The following LSM1 variants were observed in gnomAD, a reference collection of about 807,000 sequenced individuals.
LSM1 encodes U6 snRNA-associated Sm-like protein LSm1.
In LSM1, 13 loss-of-function variants were observed where a neutral mutation model predicts 18.0. That is an observed-to-expected ratio of 0.72 (90% CI 0.47 to 1.15). LSM1 has a LOEUF of 1.15. Ranked by LOEUF, LSM1 falls within the 50% of genes most tolerant of loss-of-function variation. LSM1 has a pLI of 0.00. For synonymous variants in LSM1, 46 were observed against 56.0 expected, an observed-to-expected ratio of 0.82 and a Z score of 0.80; for missense variants, 152 against 157.7, an observed-to-expected ratio of 0.96 and a Z score of 0.19.
chr8:38,175,889 T>G (rs1000392532), intron 1 of LSM1: 1 of 181,200 alleles, frequency 5.5e-6, no homozygotes. Context: ...CTCTAGGTAT[T>G]CCGATCCATC....
At chr8:38,176,656 T>C, upstream of LSM1, 1 of 584,236 alleles carries the variant, frequency 1.7e-6, no homozygotes, top group Non-Finnish European at 2.9e-6. Context: ...ACACGGTGTC[T>C]TCCTTCGTCT....
chr8:38,171,705 TGA>T (rs1222286265), intron 2 of LSM1, among the ~76,000 whole-genome samples: 2 of 152,184 alleles, frequency 1.3e-5, no homozygotes, highest in Non-Finnish European at 2.9e-5. Flanking sequence ...TTCGGTGGAC[TGA>T]GTTTATTTCT....
Position 38,176,472 on chromosome 8 carries a change from C to T in LSM1, c.-152G>A. On this transcript the variant is annotated 5_prime_UTR_variant, in exon 1 of 4. Coordinates refer to ENST00000311351, the MANE Select transcript of LSM1 (RefSeq NM_014462.3). The stretch of plus-strand genomic sequence containing the variant: ...TGCCCCGGCTTTCAGCCGCCGGGGG[C>T]TGCCGGAAGCTCCTCCATATTACCC... The T allele has an allele frequency of 1.6e-6, 1 of 632,778 alleles. No individual in the cohort carries two copies. The highest frequency in any genetic ancestry group is 2.8e-6 in the Non-Finnish European group (1 of 359,720). The allele number at this position is 632,778 out of a possible 1,614,324, so 39.2% of individuals were successfully genotyped here. A position where few individuals can be genotyped will look rare whatever the true frequency, so the allele number is the denominator to read the frequency against.
chr8:38,164,913 C>T (rs117984088), intron 3 of LSM1, among the ~76,000 whole-genome samples: 567 of 152,278 alleles, frequency 3.7e-3, no homozygotes, highest in Non-Finnish European at 5.9e-3. Flanking sequence ...TGTGCGCCAC[C>T]GTACCAGCTC....
In LSM1 at chr8:38,172,713, T is replaced by G. The variant is rs1011263994; in HGVS notation, c.47-680A>C. Among the ~76,000 whole-genome samples the G allele has an allele frequency of 3.9e-5, 6 of 152,236 alleles. 1 individual carries two copies. The highest frequency in any genetic ancestry group is 1.4e-4 in the African/African-American group (6 of 41,470). On this transcript the variant is annotated intron_variant, in intron 1 of 3. Transcript: ENST00000311351. The stretch of plus-strand genomic sequence containing the variant: ...AAATTTAATCTAGATGACTATTATC[T>G]TATTTGTAGAATTATTTTGTCCTCA...
intron 1 of LSM1, among the ~76,000 whole-genome samples, 158 bp from the exon 2 acceptor site, chr8:38,172,191 C>T (rs192374669): frequency 2.6e-5 from 4 of 151,856 alleles, no homozygotes; most frequent in South Asian, 2.1e-4. Context: ...CACAGCAACG[C>T]GGATTTAGAT....
At position 38,163,649 on chromosome 8, in the gene LSM1, C is replaced by CA. The variant is rs1802878090; in HGVS notation, c.*20dup. 2 of 1,612,432 alleles carry CA rather than the reference C, an allele frequency of 1.2e-6. No homozygotes were observed. The highest frequency in any genetic ancestry group is 2.7e-5 in the African/African-American group (2 of 75,018). On this transcript the variant is annotated 3_prime_UTR_variant, in exon 4 of 4. Coordinates refer to ENST00000311351, the MANE Select transcript of LSM1 (RefSeq NM_014462.3). ...GTGACAGCCCCTACTCTTCAAGAGC[C>CA]AACAGCCTCTGGGCAAAAGATTAGT...
chr8:38,170,144 A>G (rs1802999852), intron 2 of LSM1, among the ~76,000 whole-genome samples: 1 of 152,210 alleles, frequency 6.6e-6, no homozygotes, highest in Non-Finnish European at 1.5e-5. Context: ...TGGTTCAAGC[A>G]ATTCTCCTGC....
chr8:38,163,765 G>GT lies in LSM1; in HGVS notation c.306dup (p.Gln103ThrfsTer29). Reference sequence around the variant, plus strand: ...TTCTCTGCTTCCAGCTTGGTCTGCTGTTCCACCCTTTGTTCTTCTAGAATT... The same window carrying GT: ...TTCTCTGCTTCCAGCTTGGTCTGCTGTTTCCACCCTTTGTTCTTCTAGAATT... On this transcript the variant is annotated frameshift_variant, in exon 4 of 4. Coordinates refer to ENST00000311351, the MANE Select transcript of LSM1 (RefSeq NM_014462.3). LOFTEE classifies it high-confidence loss of function. The GT allele has an allele frequency of 6.2e-7, 1 of 1,614,144 alleles. No homozygotes were observed. Among genetic ancestry groups the GT allele is most frequent in the Admixed American group, 1.7e-5 (1 of 60,002 alleles).
chr8:38,176,232 G>A, intron 1 of LSM1, 43 bp downstream of exon 1: 3 of 1,581,630 alleles, frequency 1.9e-6, no homozygotes, highest in Non-Finnish European at 2.6e-6. Flanking sequence ...CCGGGAGGAA[G>A]GGTCTAACCC....
chr8:38,169,959 C>T, intron 2 of LSM1, 42 bp from the exon 3 acceptor site: 1 of 1,024,590 alleles, frequency 9.8e-7, no homozygotes. Flanking sequence ...TTAGTTTAAA[C>T]TACTGGGTAA....
chr8:38,175,260 G>A (rs1256835489), intron 1 of LSM1, among the ~76,000 whole-genome samples: 3 of 151,630 alleles, frequency 2.0e-5, no homozygotes, highest in Non-Finnish European at 4.4e-5. Flanking sequence ...TAGGAACGGG[G>A]TTTCACCATG....
At chr8:38,174,948 C>T (rs1284957724) in intron 1 of LSM1, among the ~76,000 whole-genome samples, 2 of 142,286 alleles carry the variant, frequency 1.4e-5, no homozygotes, top group African/African-American at 5.3e-5. Flanking sequence ...TGTTTAAACC[C>T]GGGAGGTGGA....
Position 38,163,658 on chromosome 8 carries a change from C to T in LSM1, c.*12G>A, listed in dbSNP as rs1368500430. 1 of 1,613,522 alleles carries T rather than the reference C, an allele frequency of 6.2e-7. No individual in the cohort carries two copies. The highest frequency in any genetic ancestry group is 1.1e-5 in the South Asian group (1 of 90,986). On this transcript the variant is annotated 3_prime_UTR_variant, in exon 4 of 4. Transcript: ENST00000311351. ...CCTACTCTTCAAGAGCCAACAGCCT[C>T]TGGGCAAAAGATTAGTACTCATCAA...
intron 3 of LSM1, among the ~76,000 whole-genome samples, chr8:38,167,632 C>A (rs1802957184): frequency 6.6e-6 from 1 of 152,190 alleles, no homozygotes; most frequent in Non-Finnish European, 1.5e-5. Context: ...AGCCACTGCA[C>A]CCACCCCAGT....
chr8:38,172,098 A>C lies in LSM1; in HGVS notation c.47-65T>G, dbSNP rs1803039610. 3.5e-6 allele frequency: 4 copies of C among 1,135,970 alleles called. No homozygotes were observed. In the Admixed American group the frequency reaches 7.6e-5, roughly 22 times the overall value. The allele number at this position is 1,135,970 out of a possible 1,614,324, so 70.4% of individuals were successfully genotyped here. The stretch of plus-strand genomic sequence containing the variant: ...AAGTTCAGCGAGTATTTAGGATAAT[A>C]ATTAACAGTTTAAGCTGTACCACTT... On this transcript the variant is annotated intron_variant, in intron 1 of 3. Transcript: ENST00000311351.
chr8:38,176,678 A>C (rs1296783642), upstream of LSM1: 2 of 657,480 alleles, frequency 3.0e-6, no homozygotes. Context: ...CGGGTTCCCG[A>C]GACCCCAGAG....
chr8:38,163,808 C>T lies in LSM1; in HGVS notation c.264G>A (p.Gln88=). The T allele has an allele frequency of 6.2e-7, 1 of 1,614,156 alleles. No homozygotes were observed. Among genetic ancestry groups the T allele is most frequent in the African/African-American group, 1.3e-5 (1 of 75,048 alleles). The part of the protein sequence containing the change: ...DLEKESDTPL[Q]QVSIEEILEE... ...CTAGAATTTCTTCAATGGATACTTG[C>T]TGGAGGGGTGTGTCACTCTCCTTTT... The change falls in exon 4 of 4, where the codon CAG becomes CAA. Residue 88 remains glutamine (Q), a synonymous_variant. Transcript: ENST00000311351.
chr8:38,171,942 G>A, intron 2 of LSM1, 23 bp downstream of exon 2: 1 of 1,527,860 alleles, frequency 6.5e-7, no homozygotes, highest in Middle Eastern at 1.8e-4. Flanking sequence ...GAGTATAAGA[G>A]ATGTCCATAA....
Sources: allele counts gnomAD v4.1 joint callset (sites outside exome capture counted in the v4.1 genomes callset), GRCh38; gene constraint gnomAD v4.1.1; transcripts MANE v1.5; gene names NCBI Gene and HGNC (gene_info 2026-07-23, HGNC 2026-07-21).